Variants in CDH13 observed in about 807,000 individuals in gnomAD.
CDH13 encodes cadherin 13.
Under a neutral mutation model 63.8 loss-of-function variants are expected in CDH13, and 24 were observed. The observed-to-expected ratio is 0.38, with a 90% CI of 0.27 to 0.53. The LOEUF (loss-of-function observed/expected upper bound fraction) is 0.53, where lower values mean the gene tolerates loss of function less well. Ranked by LOEUF, CDH13 falls within the 20% of genes least tolerant of loss-of-function variation. The pLI, the probability that CDH13 is intolerant of heterozygous loss-of-function variation, is 0.85. For missense variants in CDH13, 1,049 were observed against 903.1 expected (o/e 1.16, Z -2.07); for synonymous variants, 503 against 355.3 (o/e 1.42, Z -4.67).
chr16:82,934,147 C>G (rs2042591287), intron 2 of CDH13, among the ~76,000 whole-genome samples: 1 of 152,244 alleles, frequency 6.6e-6, no homozygotes, highest in Non-Finnish European at 1.5e-5. Context: ...CATGAGGGCT[C>G]TGCCCCTGCA....
At chr16:82,919,409 G>A (rs1334571898) in intron 2 of CDH13, among the ~76,000 whole-genome samples, 1 of 152,048 alleles carries the variant, frequency 6.6e-6, no homozygotes, top group Non-Finnish European at 1.5e-5. Context: ...TCCCCTTTGT[G>A]TCCATGTATT....
chr16:83,036,827 C>G (rs1430338855), intron 3 of CDH13, among the ~76,000 whole-genome samples: 1 of 152,164 alleles, frequency 6.6e-6, no homozygotes, highest in Non-Finnish European at 1.5e-5. Context: ...TGATTTGGCT[C>G]CACCTCAAGG....
At chr16:83,363,367 C>T (rs1374206379) in intron 6 of CDH13, among the ~76,000 whole-genome samples, 1 of 152,146 alleles carries the variant, frequency 6.6e-6, no homozygotes, top group African/African-American at 2.4e-5. Flanking sequence ...TGTGAGTATG[C>T]ATGTGTGCAA....
chr16:82,907,998 G>A (rs1001317608), intron 2 of CDH13, among the ~76,000 whole-genome samples: 3 of 152,056 alleles, frequency 2.0e-5, no homozygotes, highest in Admixed American at 2.0e-4. Flanking sequence ...GACCTTTCAG[G>A]AAAGGTACAT....
At chr16:83,160,366 A>T (rs116652782) in intron 4 of CDH13, among the ~76,000 whole-genome samples, 1 of 152,160 alleles carries the variant, frequency 6.6e-6, no homozygotes, top group Non-Finnish European at 1.5e-5. Flanking sequence ...CCGTAAAAAA[A>T]TAAGTTTGAT....
At chr16:82,923,826 A>G (rs2042227906) in intron 2 of CDH13, among the ~76,000 whole-genome samples, 1 of 152,186 alleles carries the variant, frequency 6.6e-6, no homozygotes, top group African/African-American at 2.4e-5. Flanking sequence ...TTTGAAACGA[A>G]CATTGGTTGT....
At chr16:83,044,471 T>G (rs1917599084) in intron 3 of CDH13, among the ~76,000 whole-genome samples, 1 of 152,186 alleles carries the variant, frequency 6.6e-6, no homozygotes, top group Non-Finnish European at 1.5e-5. Flanking sequence ...TTTAAAAACT[T>G]TTCCTGTGAA....
At position 83,166,249 on chromosome 16, in the gene CDH13, T is replaced by A. The variant is rs772825303; in HGVS notation, c.483+40748T>A. Among the ~76,000 whole-genome samples, 48 of 152,102 alleles carry A rather than the reference T, an allele frequency of 3.2e-4. 1 individual carries two copies. The highest frequency in any genetic ancestry group is 5.9e-5 in the Non-Finnish European group (4 of 67,994). On this transcript the variant is annotated intron_variant, in intron 4 of 13. Transcript: ENST00000567109. ...TAACCAAGTGCTGCTCTGGTACAAT[T>A]GAGGTATGAAATACCAGACCTGACT...
chr16:82,862,353 C>T lies in CDH13; in HGVS notation c.157+3880C>T, dbSNP rs894905786. Among the ~76,000 whole-genome samples the T allele has an allele frequency of 3.9e-5, 6 of 152,332 alleles. No homozygotes were observed. In the East Asian group the frequency reaches 9.6e-4, roughly 24 times the overall value. On this transcript the variant is annotated intron_variant, in intron 2 of 13. Transcript: ENST00000567109. ...TGATAAAATCTGACTATCCTATGTTCTGCAAAATTATAAAACAGGATAGTC... is the reference window on the plus strand; with the variant it reads ...TGATAAAATCTGACTATCCTATGTTTTGCAAAATTATAAAACAGGATAGTC...
chr16:82,696,015 C>A (rs2030243929), intron 1 of CDH13, among the ~76,000 whole-genome samples: 1 of 152,176 alleles, frequency 6.6e-6, no homozygotes, highest in Admixed American at 6.5e-5. Flanking sequence ...GTTTCTCTGA[C>A]AGTTACTTTC....
intron 1 of CDH13, among the ~76,000 whole-genome samples, chr16:82,698,770 G>A (rs543267507): frequency 1.5e-4 from 23 of 152,158 alleles, no homozygotes; most frequent in Non-Finnish European, 3.2e-4. Context: ...ATCTATTACA[G>A]GAAGCCAAAG....
intron 2 of CDH13, among the ~76,000 whole-genome samples, chr16:82,951,046 T>C (rs1905239994): frequency 6.6e-6 from 1 of 152,168 alleles, no homozygotes; most frequent in Non-Finnish European, 1.5e-5. Flanking sequence ...ATTTTATTGG[T>C]CCAGTTGAGC....
intron 6 of CDH13, among the ~76,000 whole-genome samples, chr16:83,476,916 G>A (rs1299326340): frequency 1.3e-5 from 2 of 152,140 alleles, no homozygotes; most frequent in African/African-American, 4.8e-5. Context: ...CTTTCAAAAA[G>A]AACTTCATGG....
chr16:83,328,703 T>A (rs557818942), intron 5 of CDH13, among the ~76,000 whole-genome samples: 21 of 151,888 alleles, frequency 1.4e-4, no homozygotes, highest in African/African-American at 4.6e-4. Context: ...GCTGATGGAG[T>A]GGATGTGTAT....
chr16:83,423,023 T>A (rs2071763450), intron 6 of CDH13, among the ~76,000 whole-genome samples: 1 of 152,198 alleles, frequency 6.6e-6, no homozygotes, highest in Non-Finnish European at 1.5e-5. Flanking sequence ...AAAGCTTCAT[T>A]TTTGTGTTCT....
chr16:83,018,738 G>A (rs921752011), intron 2 of CDH13, among the ~76,000 whole-genome samples: 5 of 152,230 alleles, frequency 3.3e-5, no homozygotes, highest in African/African-American at 1.2e-4. Flanking sequence ...ACACCTAGGT[G>A]ATCTCTTACA....
At chr16:83,683,402 T>A (rs1028557498) in intron 10 of CDH13, among the ~76,000 whole-genome samples, 2 of 152,358 alleles carry the variant, frequency 1.3e-5, no homozygotes, top group South Asian at 2.1e-4. Context: ...GAAATCCCTT[T>A]TCCACAGCTT....
intron 10 of CDH13, among the ~76,000 whole-genome samples, chr16:83,681,823 C>T (rs1915432612): frequency 6.6e-6 from 1 of 152,190 alleles, no homozygotes; most frequent in South Asian, 2.1e-4. Flanking sequence ...CTTTTCTAAT[C>T]TAATCATCTG....
chr16:82,933,668 A>C (rs2042572083), intron 2 of CDH13, among the ~76,000 whole-genome samples: 1 of 152,088 alleles, frequency 6.6e-6, no homozygotes, highest in Non-Finnish European at 1.5e-5. Flanking sequence ...GAGCCTGTAA[A>C]ATCAAAAGCA....
Sources: allele counts gnomAD v4.1 joint callset (sites outside exome capture counted in the v4.1 genomes callset), GRCh38; gene constraint gnomAD v4.1.1; transcripts MANE v1.5; gene names NCBI Gene and HGNC (gene_info 2026-07-23, HGNC 2026-07-21).